SRGAP1: variants seen among roughly 807,000 people sequenced by gnomAD.
The protein encoded by SRGAP1 is SLIT-ROBO Rho GTPase activating protein 1, also known as SLIT-ROBO Rho GTPase-activating protein 1.
A neutral mutation model predicts 121.9 loss-of-function variants in SRGAP1; 43 were observed. The ratio of observed to expected loss-of-function variants is 0.35; its 90% CI spans 0.28 to 0.46. SRGAP1 has a LOEUF of 0.46. Ranked by LOEUF, SRGAP1 falls within the 20% of genes least tolerant of loss-of-function variation. The pLI, the probability that SRGAP1 is intolerant of heterozygous loss-of-function variation, is 1.00. For missense variants in SRGAP1, 1,102 were observed against 1,350.9 expected (o/e 0.82, Z 2.89); for synonymous variants, 447 against 485.4 (o/e 0.92, Z 1.04).
chr12:64,031,215 G>C (rs1186351830), intron 4 of SRGAP1, among the ~76,000 whole-genome samples: 1 of 151,556 alleles, frequency 6.6e-6, no homozygotes, highest in African/African-American at 2.4e-5. Context: ...CTACTTGGGA[G>C]GCTGAGTCAG....
chr12:63,915,567 C>A (rs1038573576), intron 1 of SRGAP1, among the ~76,000 whole-genome samples: 2 of 152,224 alleles, frequency 1.3e-5, no homozygotes, highest in East Asian at 3.9e-4. Context: ...AAGCAGTGAT[C>A]CACATTTTGA....
chr12:64,005,761 C>T (rs867037193), intron 3 of SRGAP1, among the ~76,000 whole-genome samples: 11 of 152,088 alleles, frequency 7.2e-5, no homozygotes, highest in Non-Finnish European at 1.0e-4. Context: ...ATCACTCTAC[C>T]GAAGAAGTCA....
chr12:64,061,792 G>A (rs2035453822), intron 6 of SRGAP1, among the ~76,000 whole-genome samples: 2 of 152,010 alleles, frequency 1.3e-5, no homozygotes, highest in Non-Finnish European at 2.9e-5. Flanking sequence ...AATCATATGT[G>A]GTCTTTTGTG....
At chr12:64,112,014 T>G in intron 17 of SRGAP1, 28 bp downstream of exon 17, 1 of 1,559,270 alleles carries the variant, frequency 6.4e-7, no homozygotes, top group Non-Finnish European at 8.8e-7. Context: ...AGTCCTCCTC[T>G]CCCACCGAAA....
intron 1 of SRGAP1, among the ~76,000 whole-genome samples, chr12:63,868,168 G>A (rs568332907): frequency 1.4e-4 from 19 of 139,242 alleles, no homozygotes; most frequent in African/African-American, 4.8e-4. Flanking sequence ...TGCAACCTCC[G>A]CCTCCTGGGT....
chr12:63,906,557 C>T (rs1454734318), intron 1 of SRGAP1, among the ~76,000 whole-genome samples: 1 of 152,146 alleles, frequency 6.6e-6, no homozygotes, highest in Non-Finnish European at 1.5e-5. Flanking sequence ...TCGTGATCTG[C>T]CCGCCTCGGC....
intron 3 of SRGAP1, among the ~76,000 whole-genome samples, chr12:63,998,337 G>A (rs1364008152): frequency 6.6e-6 from 1 of 152,176 alleles, no homozygotes; most frequent in East Asian, 1.9e-4. Context: ...CCCAGCATTA[G>A]CAAGGCTATG....
intron 14 of SRGAP1, among the ~76,000 whole-genome samples, chr12:64,096,024 C>T (rs1226819263): frequency 3.3e-5 from 5 of 152,182 alleles, no homozygotes; most frequent in Non-Finnish European, 7.3e-5. Flanking sequence ...CCTCGATTTC[C>T]TCACCTGCAA....
At chr12:64,036,982 C>T (rs1447951770) in intron 4 of SRGAP1, among the ~76,000 whole-genome samples, 1 of 152,160 alleles carries the variant, frequency 6.6e-6, no homozygotes, top group East Asian at 1.9e-4. Context: ...AGCTAAAGTG[C>T]TATGTGCTGA....
chr12:63,994,252 A>G (rs769037920), intron 3 of SRGAP1, among the ~76,000 whole-genome samples: 1 of 152,166 alleles, frequency 6.6e-6, no homozygotes, highest in Non-Finnish European at 1.5e-5. Flanking sequence ...CTATATACCT[A>G]CAATAATTAT....
intron 15 of SRGAP1, among the ~76,000 whole-genome samples, chr12:64,101,026 A>G (rs1330060834): frequency 6.6e-6 from 1 of 152,220 alleles, no homozygotes; most frequent in African/African-American, 2.4e-5. Flanking sequence ...GTAGTAGGAA[A>G]GGTAAGATAT....
intron 8 of SRGAP1, 62 bp from the exon 9 acceptor site, chr12:64,078,857 C>T (rs2035786132): frequency 6.5e-7 from 1 of 1,548,474 alleles, no homozygotes; most frequent in Non-Finnish European, 8.8e-7. Flanking sequence ...AGAGTGGACT[C>T]TCCCTGTTTG....
At chr12:63,901,547 C>G (rs2029929222) in intron 1 of SRGAP1, among the ~76,000 whole-genome samples, 1 of 152,206 alleles carries the variant, frequency 6.6e-6, no homozygotes, top group African/African-American at 2.4e-5. Context: ...CCTGCTCAGC[C>G]TGAGCGCTCC....
In SRGAP1 at chr12:64,127,886, C is replaced by A. The variant is rs748723181; in HGVS notation, c.2566C>A (p.Pro856Thr). Residue 856 changes from proline (P) to threonine (T), a missense_variant, in exon 21 of 22, where the codon CCT (proline) becomes ACT (threonine). Pro to Thr is a conservative substitution (Grantham distance 38, BLOSUM62 -1). Around this residue, in one of 3 missense-constraint regions of SRGAP1, gnomAD observed 315 missense variants for 343.1 expected, o/e 0.92. Coordinates refer to ENST00000355086, the MANE Select transcript of SRGAP1 (RefSeq NM_020762.4). The part of the protein sequence containing the change: ...ARQRKRGEPP[P>T]PVRRPGRTSD... The stretch of plus-strand genomic sequence containing the variant: ...GCAACGAAAAAGAGGAGAGCCACCC[C>A]CTCCAGTAAGGCGTCCTGGCAGGAC... The A allele has an allele frequency of 3.7e-6, 6 of 1,612,324 alleles. No homozygotes were observed. In the African/African-American group the frequency reaches 6.7e-5, roughly 18 times the overall value.
At chr12:64,086,949 C>G (rs756120835) in intron 10 of SRGAP1, 50 bp from the exon 11 acceptor site, 6 of 1,427,320 alleles carry the variant, frequency 4.2e-6, no homozygotes, top group Non-Finnish European at 5.9e-6. Context: ...GTACCACATA[C>G]ACTCTGCTGA....
chr12:63,891,694 A>G (rs1181323689), intron 1 of SRGAP1, among the ~76,000 whole-genome samples: 1 of 152,206 alleles, frequency 6.6e-6, no homozygotes, highest in South Asian at 2.1e-4. Flanking sequence ...CCCCCTTGAA[A>G]AAAATTATGC....
At chr12:64,000,238 G>GA (rs1432647768) in intron 3 of SRGAP1, among the ~76,000 whole-genome samples, 2 of 121,588 alleles carry the variant, frequency 1.6e-5, no homozygotes, top group Non-Finnish European at 3.5e-5. Flanking sequence ...AGAAAGGTAG[G>GA]GGTGTGTGTG....
chr12:64,096,297 C>T (rs1285493849), intron 14 of SRGAP1, among the ~76,000 whole-genome samples: 3 of 151,608 alleles, frequency 2.0e-5, no homozygotes, highest in Non-Finnish European at 2.9e-5. Flanking sequence ...GATTTCTTGC[C>T]CTAGGAACAG....
intron 4 of SRGAP1, among the ~76,000 whole-genome samples, chr12:64,034,784 A>G (rs2034861424): frequency 6.6e-6 from 1 of 152,226 alleles, no homozygotes; most frequent in South Asian, 2.1e-4. Context: ...GGGCAGAGGC[A>G]GGATTTGAAC....
Sources: gnomAD v4.1 joint callset for allele counts (sites outside exome capture counted in the v4.1 genomes callset) on GRCh38, gnomAD v4.1.1 for gene constraint, gnomAD v4.1.1 regional missense constraint, MANE v1.5 for transcripts, NCBI Gene and HGNC (gene_info 2026-07-23, HGNC 2026-07-21) for gene names.